The following C11orf65 variants were observed in gnomAD, a reference collection of about 807,000 sequenced individuals.
C11orf65 encodes chromosome 11 open reading frame 65, also known as protein MFI.
In C11orf65, 38 loss-of-function variants were observed where a neutral mutation model predicts 35.3. The observed-to-expected ratio is 1.08, with a 90% CI of 0.83 to 1.41. The LOEUF (loss-of-function observed/expected upper bound fraction) is 1.41. Ranked by LOEUF, C11orf65 falls within the 40% of genes most tolerant of loss-of-function variation. C11orf65 has a pLI of 0.00. For missense variants in C11orf65, 370 were observed against 367.1 expected (o/e 1.01, Z -0.06); for synonymous variants, 105 against 114.4 (o/e 0.92, Z 0.53).
At chr11:108,396,025 T>C (rs2092301717) in intron 6 of C11orf65, among the ~76,000 whole-genome samples, 1 of 152,184 alleles carries the variant, frequency 6.6e-6, no homozygotes, top group African/African-American at 2.4e-5. Flanking sequence ...GACACTGTTA[T>C]CGGGTGGCAG....
chr11:108,460,157 CA>C (rs2093456401), intron 2 of C11orf65, among the ~76,000 whole-genome samples: 1 of 152,068 alleles, frequency 6.6e-6, no homozygotes, highest in Admixed American at 6.6e-5. Flanking sequence ...TATACCCCAG[CA>C]TAGGTTTTAT....
In C11orf65 at chr11:108,310,287, A is replaced by T. The variant is rs201963507; in HGVS notation, c.641-1216T>A. On this transcript the variant is annotated intron_variant, in intron 6 of 6. Coordinates refer to the C11orf65 transcript ENST00000525729. ...ACTCTATGCAGAAATCTATGCAGAT[A>T]AGAAAAGTATGGATGATCAAGAGAA... is the stretch of plus-strand genomic sequence containing the variant. 8 of 1,613,556 alleles carry T rather than the reference A, an allele frequency of 5.0e-6. No homozygotes were observed. The highest frequency in any genetic ancestry group is 1.3e-5 in the African/African-American group (1 of 75,042).
At chr11:108,443,457 G>A (rs1176878783) in intron 2 of C11orf65, among the ~76,000 whole-genome samples, 1 of 152,104 alleles carries the variant, frequency 6.6e-6, no homozygotes, top group East Asian at 1.9e-4. Context: ...ATTGAACTCA[G>A]CTCTGCACCA....
chr11:108,364,084 C>T (rs897613565), intron 2 of C11orf65, among the ~76,000 whole-genome samples: 2 of 152,066 alleles, frequency 1.3e-5, no homozygotes, highest in African/African-American at 4.8e-5. Flanking sequence ...CTGGAGGACA[C>T]TCAAAACAGC....
At chr11:108,348,257 AATAT>A (rs1343166171) in intron 2 of C11orf65, among the ~76,000 whole-genome samples, 5 of 151,528 alleles carry the variant, frequency 3.3e-5, no homozygotes, top group African/African-American at 1.2e-4. Flanking sequence ...AAAGAAAGAG[AATAT>A]ATATAGCTAA....
chr11:108,455,022 C>T (rs1431985152), intron 2 of C11orf65, among the ~76,000 whole-genome samples: 1 of 152,094 alleles, frequency 6.6e-6, no homozygotes, highest in South Asian at 2.1e-4. Flanking sequence ...TGAAATTCCC[C>T]TTTAGAATTG....
At chr11:108,446,110 C>T (rs1327936715) in intron 2 of C11orf65, among the ~76,000 whole-genome samples, 1 of 152,108 alleles carries the variant, frequency 6.6e-6, no homozygotes, top group African/African-American at 2.4e-5. Flanking sequence ...CGAACAAAGC[C>T]TCCAAGAAAT....
chr11:108,365,605 T>C, intron 2 of C11orf65: 7 of 1,411,048 alleles, frequency 5.0e-6, no homozygotes, highest in Non-Finnish European at 6.8e-6. Context: ...GGGATTAATA[T>C]TTAAGTGAAC....
chr11:108,363,001 C>T (rs2090968693), intron 2 of C11orf65, among the ~76,000 whole-genome samples: 1 of 151,978 alleles, frequency 6.6e-6, no homozygotes, highest in South Asian at 2.1e-4. Context: ...AAAAAAAACA[C>T]ACCCTCCAAT....
At chr11:108,451,136 T>C (rs1300011723) in intron 2 of C11orf65, among the ~76,000 whole-genome samples, 4 of 152,044 alleles carry the variant, frequency 2.6e-5, no homozygotes, top group East Asian at 1.9e-4. Flanking sequence ...CTATTCAACA[T>C]AGTGTTGGAA....
intron 3 of C11orf65, among the ~76,000 whole-genome samples, chr11:108,409,621 T>A (rs968689785): frequency 1.3e-5 from 2 of 152,080 alleles, no homozygotes; most frequent in Non-Finnish European, 2.9e-5. Flanking sequence ...GGTAAACAAC[T>A]GATACTCTAC....
At chr11:108,363,005 C>T (rs1003395595) in intron 2 of C11orf65, among the ~76,000 whole-genome samples, 1 of 152,164 alleles carries the variant, frequency 6.6e-6, no homozygotes, top group East Asian at 1.9e-4. Flanking sequence ...AAAACACACC[C>T]TCCAATGCTT....
chr11:108,383,555 T>C (rs921351080), intron 8 of C11orf65, among the ~76,000 whole-genome samples: 8 of 152,234 alleles, frequency 5.3e-5, no homozygotes, highest in Non-Finnish European at 1.0e-4. Flanking sequence ...TTAGAGCATC[T>C]GGTATTTAGT....
chr11:108,447,342 C>A (rs1193400288), intron 2 of C11orf65, among the ~76,000 whole-genome samples: 1 of 151,940 alleles, frequency 6.6e-6, no homozygotes, highest in South Asian at 2.1e-4. Flanking sequence ...TTTTTTTTAG[C>A]ACCACACCAC....
chr11:108,446,900 G>A (rs944484251), intron 2 of C11orf65, among the ~76,000 whole-genome samples: 1 of 152,116 alleles, frequency 6.6e-6, no homozygotes, highest in South Asian at 2.1e-4. Context: ...CTCATGTGCA[G>A]AGACACACAT....
intron 2 of C11orf65, among the ~76,000 whole-genome samples, chr11:108,448,916 G>A (rs1320272799): frequency 1.3e-5 from 2 of 152,176 alleles, no homozygotes; most frequent in East Asian, 1.9e-4. Context: ...TCCTTAAGCT[G>A]ATAAGCAACT....
downstream of C11orf65, among the ~76,000 whole-genome samples, chr11:108,379,518 C>G (rs1234994647): frequency 6.6e-6 from 1 of 151,476 alleles, no homozygotes; most frequent in African/African-American, 2.4e-5. Flanking sequence ...GGAGATATAC[C>G]TAATGCTAAA....
At position 108,335,892 on chromosome 11, in the gene C11orf65, G is replaced by A. The variant is rs770552705; in HGVS notation, c.227-600C>T. ...ATGCTGTCATGCAACAGGTCTTCCA[G>A]ATGTGTAATACATTACTGCAGAGAA... On this transcript the variant is annotated intron_variant, in intron 2 of 3. Transcript: ENST00000524755. 1.9e-6 allele frequency: 3 copies of A among 1,613,924 alleles called. No homozygotes were observed. Among genetic ancestry groups the A allele is most frequent in the South Asian group, 1.1e-5 (1 of 91,080 alleles).
At chr11:108,328,506 A>G (rs1218417132), downstream of C11orf65, among the ~76,000 whole-genome samples, 3 of 152,212 alleles carry the variant, frequency 2.0e-5, no homozygotes, top group Non-Finnish European at 2.9e-5. Context: ...TCGGCCTCCC[A>G]AAGTGCTGGC....
Sources: allele counts gnomAD v4.1 joint callset (sites outside exome capture counted in the v4.1 genomes callset), GRCh38; gene constraint gnomAD v4.1.1; transcripts MANE v1.5; gene names NCBI Gene and HGNC (gene_info 2026-07-23, HGNC 2026-07-21).